Variants in AGTPBP1 observed in about 807,000 individuals in gnomAD.
The protein encoded by AGTPBP1 is ATP/GTP binding carboxypeptidase 1.
In AGTPBP1, 70 loss-of-function variants were observed where a neutral mutation model predicts 143.9. The observed-to-expected ratio is 0.49, with a 90% CI of 0.40 to 0.59. The LOEUF (loss-of-function observed/expected upper bound fraction) is 0.59, where lower values mean the gene tolerates loss of function less well. Ranked by LOEUF, AGTPBP1 falls within the 20% of genes least tolerant of loss-of-function variation. The probability of loss-of-function intolerance (pLI) is 0.00; values close to 1 mark genes in which losing one functional copy is unlikely to be tolerated. For synonymous variants in AGTPBP1, 463 were observed against 500.2 expected, an observed-to-expected ratio of 0.93 and a Z score of 0.99; for missense variants, 1,229 against 1,464.5, an observed-to-expected ratio of 0.84 and a Z score of 2.62.
At chr9:85,657,184 T>TAA (rs374501838) in intron 10 of AGTPBP1, among the ~76,000 whole-genome samples, 9 of 111,080 alleles carry the variant, frequency 8.1e-5, no homozygotes, top group East Asian at 4.4e-4. Flanking sequence ...AGTATAATAA[T>TAA]AAAAAAAAAA....
chr9:85,725,308 A>T (rs181554717), intron 1 of AGTPBP1, among the ~76,000 whole-genome samples: 2,321 of 151,028 alleles, frequency 0.015, 28 homozygotes, highest in Middle Eastern at 0.037. Context: ...CAAAAAAATT[A>T]AAAAAAAAAT....
At chr9:85,733,978 G>C (rs1050854171) in intron 1 of AGTPBP1, among the ~76,000 whole-genome samples, 1 of 152,206 alleles carries the variant, frequency 6.6e-6, no homozygotes, top group African/African-American at 2.4e-5. Context: ...TACAGGCTGG[G>C]CACGGTGGCT....
intron 25 of AGTPBP1, among the ~76,000 whole-genome samples, chr9:85,547,859 A>G (rs1471692508): frequency 6.6e-6 from 1 of 152,238 alleles, no homozygotes; most frequent in Non-Finnish European, 1.5e-5. Context: ...CTAAGGACAC[A>G]GAATAAGACA....
chr9:85,694,695 T>C (rs1353898846), intron 2 of AGTPBP1, among the ~76,000 whole-genome samples: 1 of 152,178 alleles, frequency 6.6e-6, no homozygotes, highest in Non-Finnish European at 1.5e-5. Flanking sequence ...CCCACTTCTC[T>C]TCACTCACTA....
At chr9:85,689,925 AATATAT>A (rs1554726691) in intron 3 of AGTPBP1, among the ~76,000 whole-genome samples, 11 of 72,516 alleles carry the variant, frequency 1.5e-4, no homozygotes, top group African/African-American at 3.4e-4. Context: ...AAAAAAAAAA[AATATAT>A]ATATATATAT....
intron 1 of AGTPBP1, among the ~76,000 whole-genome samples, chr9:85,737,012 A>G (rs1057428509): frequency 2.0e-5 from 3 of 152,228 alleles, no homozygotes; most frequent in Non-Finnish European, 2.9e-5. Flanking sequence ...AGGCTGAGGC[A>G]GGAGAATGGC....
At chr9:85,617,858 G>C (rs568544906) in intron 17 of AGTPBP1, among the ~76,000 whole-genome samples, 41 of 152,198 alleles carry the variant, frequency 2.7e-4, no homozygotes, top group African/African-American at 9.6e-4. Flanking sequence ...CAACTTAGAA[G>C]AAATGGACCA....
chr9:85,613,643 C>T (rs920494667), intron 17 of AGTPBP1, among the ~76,000 whole-genome samples: 2 of 152,012 alleles, frequency 1.3e-5, no homozygotes, highest in African/African-American at 4.8e-5. Context: ...TTAAAGGGTA[C>T]AGAATCAGAC....
intron 1 of AGTPBP1, among the ~76,000 whole-genome samples, chr9:85,726,343 A>AATC (rs1422131072): frequency 6.6e-6 from 1 of 152,242 alleles, no homozygotes; most frequent in Non-Finnish European, 1.5e-5. Flanking sequence ...ACAAAATTAC[A>AATC]ATGGAGTTAT....
chr9:85,731,917 T>C (rs1191102795), intron 1 of AGTPBP1, among the ~76,000 whole-genome samples: 1 of 152,192 alleles, frequency 6.6e-6, no homozygotes, highest in Non-Finnish European at 1.5e-5. Flanking sequence ...TCTGTAAGGT[T>C]CACACACTAC....
At chr9:85,642,628 G>A (rs141635356) in intron 13 of AGTPBP1, among the ~76,000 whole-genome samples, 199 bp downstream of exon 13, 2,548 of 151,128 alleles carry the variant, frequency 0.017, 24 homozygotes, top group Middle Eastern at 0.058. Context: ...CACCACGCCC[G>A]GCCCATCTCC....
chr9:85,572,269 G>C (rs371862161), intron 25 of AGTPBP1, among the ~76,000 whole-genome samples: 2 of 152,112 alleles, frequency 1.3e-5, no homozygotes, highest in African/African-American at 4.8e-5. Context: ...CTGACCTCAA[G>C]TGATCTGCCC....
At chr9:85,636,503 C>A (rs771688404) in intron 13 of AGTPBP1, among the ~76,000 whole-genome samples, 14 of 152,078 alleles carry the variant, frequency 9.2e-5, no homozygotes, top group South Asian at 2.1e-4. Flanking sequence ...TGTGATCCCC[C>A]CTCTTGGCCT....
At chr9:85,665,576 G>C (rs1431497133) in intron 8 of AGTPBP1, among the ~76,000 whole-genome samples, 1 of 152,116 alleles carries the variant, frequency 6.6e-6, no homozygotes, top group African/African-American at 2.4e-5. Flanking sequence ...CCTTTCTACA[G>C]CTAATTCTTT....
rs1830918481 is a variant in AGTPBP1, at chr9:85,621,294, A to G, written c.2016-9T>C. 3.6e-6 allele frequency: 5 copies of G among 1,407,330 alleles called. No homozygotes were observed. The highest frequency in any genetic ancestry group is 3.7e-6 in the Non-Finnish European group (4 of 1,072,124). 87.2% of individuals were successfully genotyped at this position (1,407,330 alleles called of 1,614,324 possible). A position where few individuals can be genotyped will look rare whatever the true frequency, so the allele number is the denominator to read the frequency against. On this transcript the variant is annotated splice_polypyrimidine_tract_variant and intron_variant, in intron 14 of 25. Coordinates refer to ENST00000357081, the MANE Select transcript of AGTPBP1 (RefSeq NM_001330701.2). ...CTTGAGCAATTTTTGTCCTGAAATC[A>G]TAAAGGTTTAACCAAAATATATTAT...
the AGTPBP1 span, among the ~76,000 whole-genome samples, chr9:85,774,735 A>G: frequency 2.0e-5 from 3 of 152,240 alleles, no homozygotes; most frequent in Non-Finnish European, 4.4e-5. Context: ...AGCTGAAAAT[A>G]GATCAAAAGG....
chr9:85,608,771 A>T (rs1168454989), intron 17 of AGTPBP1, among the ~76,000 whole-genome samples: 1 of 152,174 alleles, frequency 6.6e-6, no homozygotes, highest in Non-Finnish European at 1.5e-5. Flanking sequence ...TTCACAAAAC[A>T]GAAATATTAC....
At chr9:85,662,720 T>A (rs1407651148) in intron 8 of AGTPBP1, among the ~76,000 whole-genome samples, 2 of 152,076 alleles carry the variant, frequency 1.3e-5, no homozygotes, top group Non-Finnish European at 2.9e-5. Context: ...TAGGGCCACA[T>A]AAAATCTCAA....
intron 13 of AGTPBP1, among the ~76,000 whole-genome samples, chr9:85,641,580 G>A (rs1832470337): frequency 1.3e-5 from 2 of 152,098 alleles, no homozygotes; most frequent in South Asian, 4.1e-4. Context: ...GCAGGGGGTG[G>A]CAGGGAAGGC....
Sources: allele counts gnomAD v4.1 joint callset (sites outside exome capture counted in the v4.1 genomes callset), GRCh38; gene constraint gnomAD v4.1.1; transcripts MANE v1.5; gene names NCBI Gene and HGNC (gene_info 2026-07-23, HGNC 2026-07-21).